The following IMPG1 variants were observed in gnomAD, a reference collection of about 807,000 sequenced individuals.
The protein encoded by IMPG1 is interphotoreceptor matrix proteoglycan 1.
IMPG1 carries 85 observed loss-of-function variants against 92.0 expected under a neutral mutation model. The ratio of observed to expected loss-of-function variants is 0.92; its 90% CI spans 0.78 to 1.11. The LOEUF is 1.11. IMPG1 is among the 50% of genes least tolerant of loss of function. The pLI is 0.00. For synonymous variants in IMPG1, 367 were observed against 334.1 expected, an observed-to-expected ratio of 1.10 and a Z score of -1.08; for missense variants, 1,022 against 956.0, an observed-to-expected ratio of 1.07 and a Z score of -0.91.
chr6:76,055,302 A>G (rs1784102593), intron 1 of IMPG1, among the ~76,000 whole-genome samples: 1 of 152,212 alleles, frequency 6.6e-6, no homozygotes, highest in East Asian at 1.9e-4. Flanking sequence ...AAATTATTCA[A>G]AATAACCCAT....
At chr6:76,047,556 T>G (rs1783967939) in intron 1 of IMPG1, among the ~76,000 whole-genome samples, 1 of 152,154 alleles carries the variant, frequency 6.6e-6, no homozygotes, top group Non-Finnish European at 1.5e-5. Context: ...ATATATGAGT[T>G]TCTCCCTTTA....
At chr6:76,071,463 C>T (rs1282440234) in intron 1 of IMPG1, among the ~76,000 whole-genome samples, 1 of 151,428 alleles carries the variant, frequency 6.6e-6, no homozygotes, top group Non-Finnish European at 1.5e-5. Flanking sequence ...GCTTCTTTCA[C>T]TATTGTGAAA....
At chr6:76,051,225 C>T (rs552003460) in intron 1 of IMPG1, among the ~76,000 whole-genome samples, 4 of 152,276 alleles carry the variant, frequency 2.6e-5, no homozygotes, top group African/African-American at 9.6e-5. Context: ...TGCCCTGGTC[C>T]TCCCACTACA....
At chr6:76,068,918 T>C (rs1010759128) in intron 1 of IMPG1, among the ~76,000 whole-genome samples, 1 of 151,988 alleles carries the variant, frequency 6.6e-6, no homozygotes, top group Non-Finnish European at 1.5e-5. Context: ...AATATTCATA[T>C]GGAACCAAAA....
chr6:75,934,468 A>G (rs1230966452), intron 14 of IMPG1, among the ~76,000 whole-genome samples: 6 of 152,192 alleles, frequency 3.9e-5, no homozygotes, highest in Admixed American at 3.3e-4. Flanking sequence ...AGCAATCCCA[A>G]TTGGTGACTG....
rs1781493085 is a variant in IMPG1, at chr6:75,924,529, A to ATAAT, written c.2244-827_2244-824dup. Among the ~76,000 whole-genome samples the ATAAT allele has an allele frequency of 5.6e-5, 3 of 53,712 alleles. 1 individual carries two copies. The highest frequency in any genetic ancestry group is 2.0e-4 in the African/African-American group (3 of 14,964). 35.2% of individuals were successfully genotyped at this position (53,712 alleles called of 152,430 possible). ...AATATAATTAATATAATTATATATT[A>ATAAT]TAATATAATTATATAATATAATTAA... On this transcript the variant is annotated intron_variant, in intron 15 of 16. Coordinates refer to ENST00000369950, the MANE Select transcript of IMPG1 (RefSeq NM_001563.4).
At chr6:76,063,198 C>T (rs1582138688) in intron 1 of IMPG1, among the ~76,000 whole-genome samples, 1 of 149,722 alleles carries the variant, frequency 6.7e-6, no homozygotes, top group South Asian at 2.1e-4. Flanking sequence ...AGTGAGACTC[C>T]ATCTCAAAAA....
chr6:76,027,065 C>T (rs560440891), intron 4 of IMPG1, among the ~76,000 whole-genome samples: 8 of 152,184 alleles, frequency 5.3e-5, no homozygotes, highest in Admixed American at 1.3e-4. Context: ...GAAAGACAAG[C>T]ACTTGGATCT....
At chr6:75,930,055 A>G (rs1781638066) in intron 15 of IMPG1, among the ~76,000 whole-genome samples, 1 of 152,214 alleles carries the variant, frequency 6.6e-6, no homozygotes, top group Admixed American at 6.5e-5. Context: ...TATAGGTTGC[A>G]TTATATAGAA....
intron 13 of IMPG1, among the ~76,000 whole-genome samples, chr6:75,949,841 T>A (rs1036782867): frequency 3.3e-5 from 5 of 152,184 alleles, no homozygotes; most frequent in Admixed American, 3.3e-4. Context: ...ATTTAACTTA[T>A]ATGAAGTATA....
chr6:76,028,359 A>G (rs1022597896), intron 4 of IMPG1, among the ~76,000 whole-genome samples: 7 of 152,258 alleles, frequency 4.6e-5, no homozygotes, highest in African/African-American at 1.7e-4. Flanking sequence ...GGAATAAAGG[A>G]AAATGTACAG....
chr6:75,949,267 T>C (rs1465383245), intron 13 of IMPG1, among the ~76,000 whole-genome samples: 2 of 152,118 alleles, frequency 1.3e-5, no homozygotes, highest in African/African-American at 4.8e-5. Context: ...ACACAGGTCA[T>C]AAAGACCTTA....
chr6:75,960,568 G>A (rs1242112685), intron 12 of IMPG1, among the ~76,000 whole-genome samples: 1 of 152,038 alleles, frequency 6.6e-6, no homozygotes, highest in Non-Finnish European at 1.5e-5. Context: ...ATTTAAATGT[G>A]ATTTTAAAAG....
chr6:75,991,903 G>A (rs1782819303), intron 12 of IMPG1, among the ~76,000 whole-genome samples: 1 of 152,094 alleles, frequency 6.6e-6, no homozygotes, highest in Non-Finnish European at 1.5e-5. Context: ...CGACTGTGCT[G>A]AGCTCATTCA....
chr6:75,976,743 C>A (rs1027486280), intron 12 of IMPG1, among the ~76,000 whole-genome samples: 1 of 151,978 alleles, frequency 6.6e-6, no homozygotes, highest in African/African-American at 2.4e-5. Context: ...AACCTCGTCT[C>A]TACTAAAAAA....
chr6:76,062,460 G>A (rs895194155), intron 1 of IMPG1, among the ~76,000 whole-genome samples: 1 of 152,096 alleles, frequency 6.6e-6, no homozygotes, highest in East Asian at 1.9e-4. Context: ...ATTTGTGTGT[G>A]GTAGAACTGC....
chr6:75,991,683 C>T (rs993520001), intron 12 of IMPG1, among the ~76,000 whole-genome samples: 1 of 152,164 alleles, frequency 6.6e-6, no homozygotes, highest in Non-Finnish European at 1.5e-5. Context: ...TCTTCTGCTA[C>T]GAGCTCCTTC....
intron 5 of IMPG1, among the ~76,000 whole-genome samples, chr6:76,023,442 G>T (rs1236845497): frequency 6.6e-6 from 1 of 152,104 alleles, no homozygotes; most frequent in Non-Finnish European, 1.5e-5. Flanking sequence ...CCATTTTATT[G>T]CCTTGAAAAG....
At chr6:76,017,019 A>T (rs1296295863) in intron 7 of IMPG1, among the ~76,000 whole-genome samples, 2 of 152,176 alleles carry the variant, frequency 1.3e-5, no homozygotes. Flanking sequence ...TGCAGAATGG[A>T]TAGAGGGAAC....
Sources: gnomAD v4.1 joint callset for allele counts (sites outside exome capture counted in the v4.1 genomes callset) on GRCh38, gnomAD v4.1.1 for gene constraint, MANE v1.5 for transcripts, NCBI Gene and HGNC (gene_info 2026-07-23, HGNC 2026-07-21) for gene names.